EP400: variants seen among roughly 807,000 people sequenced by gnomAD.
EP400 encodes the protein E1A binding protein p400.
In EP400, 105 loss-of-function variants were observed where a neutral mutation model predicts 354.1. The observed-to-expected ratio is 0.30, with a 90% CI of 0.25 to 0.35. EP400 has a LOEUF of 0.35. EP400 is among the 10% of genes least tolerant of loss of function. EP400 has a pLI of 1.00. For missense variants in EP400, 3,280 were observed against 4,121.0 expected (o/e 0.80, Z 5.59); for synonymous variants, 1,646 against 1,716.9 (o/e 0.96, Z 1.02).
In EP400 at chr12:132,053,555, G is replaced by T; in HGVS notation, c.7686G>T (p.Lys2562Asn). 6.4e-7 allele frequency: 1 copy of T among 1,562,080 alleles called. No homozygotes were observed. ...TQPQPVQAPA[K>N]AQPAITTGGS... ...CACAGCCTGTGCAGGCCCCAGCGAA[G>T]GCGCAGCCCGCAATCACGACGGGGG... Residue 2562 changes from lysine (K) to asparagine (N), a missense_variant, in exon 43 of 53, where the codon AAG (lysine) becomes AAT (asparagine). Lys to Asn is a moderately conservative substitution (Grantham distance 94, BLOSUM62 0). Transcript: ENST00000389561.
At position 132,062,174 on chromosome 12, in the gene EP400, C is replaced by T; in HGVS notation, c.7949C>T (p.Ser2650Phe). 1 of 1,614,004 alleles carries T rather than the reference C, an allele frequency of 6.2e-7. No individual in the cohort carries two copies. The change falls in exon 46 of 53, where the codon TCC becomes TTC. Residue 2650 changes from serine to phenylalanine, a missense_variant. Around this residue, in one of 20 missense-constraint regions of EP400, gnomAD observed 255 missense variants for 295.9 expected, o/e 0.86. Coordinates refer to ENST00000389561, the MANE Select transcript of EP400 (RefSeq NM_015409.5). ...HTQPPPRAVGSPATATPDLVS... is the reference protein window; with the variant it reads ...HTQPPPRAVGFPATATPDLVS... Reference sequence around the variant, plus strand: ...CAGCCCCCGCCACGGGCAGTCGGCTCCCCAGCCACGGCGACCCCTGACCTG... The same window carrying T: ...CAGCCCCCGCCACGGGCAGTCGGCTTCCCAGCCACGGCGACCCCTGACCTG...
chr12:132,040,020 A>G (rs1894844161), intron 32 of EP400, among the ~76,000 whole-genome samples: 2 of 152,250 alleles, frequency 1.3e-5, no homozygotes, highest in Admixed American at 1.3e-4. Flanking sequence ...AACCTGGGTG[A>G]CAGAGTGACA....
intron 15 of EP400, among the ~76,000 whole-genome samples, chr12:132,010,196 C>T (rs1593344184): frequency 6.6e-6 from 1 of 151,524 alleles, no homozygotes; most frequent in African/African-American, 2.4e-5. Context: ...AAGTGATTCT[C>T]CTTCCTCAGC....
At chr12:132,058,299 T>G (rs1392542846) in intron 45 of EP400, among the ~76,000 whole-genome samples, 1 of 151,968 alleles carries the variant, frequency 6.6e-6, no homozygotes, top group Non-Finnish European at 1.5e-5. Context: ...GCTTGGCACT[T>G]TGTAATATTG....
intron 1 of EP400, among the ~76,000 whole-genome samples, chr12:131,956,976 A>G (rs1171015000): frequency 1.3e-5 from 2 of 150,228 alleles, no homozygotes; most frequent in African/African-American, 4.9e-5. Flanking sequence ...GGTTCAAGCA[A>G]TTCTCCTGCC....
intron 51 of EP400, among the ~76,000 whole-genome samples, chr12:132,073,459 C>CTTTTTTTTTTTTTTTTT (rs58724167): frequency 0.016 from 1,909 of 117,174 alleles, 99 homozygotes; most frequent in Non-Finnish European, 0.021. Context: ...GTCCCTTTTC[C>CTTTTTTTTTTTTTTTTT]TTTTTTTTTT....
chr12:132,059,524 T>C (rs1895618466), intron 45 of EP400, among the ~76,000 whole-genome samples: 1 of 152,236 alleles, frequency 6.6e-6, no homozygotes, highest in Non-Finnish European at 1.5e-5. Context: ...GCAGATTCTC[T>C]CTGGAGGATT....
rs754646599 is a variant in EP400 at position 132,006,145 on chromosome 12, G to T, written c.2969G>T (p.Arg990Leu). 6.2e-6 allele frequency: 10 copies of T among 1,614,022 alleles called. No individual in the cohort carries two copies. Among genetic ancestry groups the T allele is most frequent in the Non-Finnish European group, 8.5e-6 (10 of 1,180,024 alleles). ...GACTGTCCAGGCGACAGGGAGAGTC[G>T]CAAGGACTTGGTTCTCATCGACTCG... Reference protein sequence around the residue: ...ADDCPGDRESRKDLVLIDSLF... With the variant: ...ADDCPGDRESLKDLVLIDSLF... Residue 990 changes from arginine to leucine, a missense_variant, in exon 14 of 53, where the codon CGC becomes CTC. Physicochemically the swap from Arg to Leu is moderately radical, Grantham distance 102. This residue lies in a region of EP400 where 800 missense variants were observed against 840.0 expected (regional missense o/e 0.95). Coordinates refer to ENST00000389561, the MANE Select transcript of EP400 (RefSeq NM_015409.5).
chr12:132,021,432 C>T, intron 23 of EP400, 111 bp downstream of exon 23: 2 of 1,381,474 alleles, frequency 1.4e-6, no homozygotes, highest in Non-Finnish European at 1.9e-6. Flanking sequence ...TGTCTTTCCC[C>T]AGCCCCATGC....
chr12:131,967,201 T>C (rs1473758153), intron 2 of EP400, among the ~76,000 whole-genome samples: 2 of 150,868 alleles, frequency 1.3e-5, no homozygotes, highest in Non-Finnish European at 3.0e-5. Flanking sequence ...GCCAACGTAG[T>C]GAAACCCCGT....
intron 45 of EP400, among the ~76,000 whole-genome samples, chr12:132,057,114 T>C (rs548076092): frequency 1.0e-3 from 157 of 152,320 alleles, no homozygotes; most frequent in African/African-American, 3.6e-3. Context: ...CAGTTTCTTA[T>C]AAAACCAAGC....
chr12:132,060,558 C>T (rs984307627), intron 45 of EP400, among the ~76,000 whole-genome samples: 4 of 152,148 alleles, frequency 2.6e-5, no homozygotes, highest in African/African-American at 9.7e-5. Flanking sequence ...CAGCGGGGGT[C>T]GTTGTCGTGC....
intron 15 of EP400, among the ~76,000 whole-genome samples, chr12:132,008,467 T>C (rs777853941): frequency 2.2e-4 from 33 of 152,252 alleles, no homozygotes; most frequent in Non-Finnish European, 3.4e-4. Flanking sequence ...TGCTATAGCA[T>C]ACATTCATAT....
rs1015246687 is a variant in EP400 at position 132,061,994 on chromosome 12, G to A, written c.7885-116G>A. On this transcript the variant is annotated intron_variant, in intron 45 of 52. Coordinates refer to ENST00000389561, the MANE Select transcript of EP400 (RefSeq NM_015409.5). ...TTTTCAAAAGACTGAACTCTAGCGT[G>A]TGTTTCACTTGTTTCGCCTCTGAAG... 14 of 803,184 alleles carry A rather than the reference G, an allele frequency of 1.7e-5. No homozygotes were observed. The Admixed American group carries it at 2.9e-4, about 17-fold the overall frequency. 49.8% of individuals were successfully genotyped at this position (803,184 alleles called of 1,614,324 possible). A position where few individuals can be genotyped will look rare whatever the true frequency, so the allele number is the denominator to read the frequency against.
chr12:131,998,581 C>G (rs1000781302), intron 12 of EP400, among the ~76,000 whole-genome samples: 25 of 150,980 alleles, frequency 1.7e-4, no homozygotes, highest in Non-Finnish European at 3.4e-4. Flanking sequence ...TGTGTCAGTA[C>G]AGTTGATTTT....
Position 132,077,791 on chromosome 12 carries a change from T to C in EP400, c.*118T>C, listed in dbSNP as rs1000460632. On this transcript the variant is annotated 3_prime_UTR_variant, in exon 53 of 53. Transcript: ENST00000389561. ...AGATTCAGCACTGGGAAAGATATAA[T>C]TGAAACAAAATAGTGTAATCATTTT... 5.6e-6 allele frequency: 7 copies of C among 1,248,180 alleles called. No homozygotes were observed. The African/African-American group carries it at 6.1e-5, about 11-fold the overall frequency. 77.3% of individuals were successfully genotyped at this position (1,248,180 alleles called of 1,614,324 possible). A position where few individuals can be genotyped will look rare whatever the true frequency, so the allele number is the denominator to read the frequency against.
intron 1 of EP400, among the ~76,000 whole-genome samples, chr12:131,950,684 C>T (rs1269573195): frequency 6.6e-6 from 1 of 152,212 alleles, no homozygotes; most frequent in Non-Finnish European, 1.5e-5. Context: ...TCGTCACACA[C>T]CTGCGGCCCA....
Position 132,062,558 on chromosome 12 carries a change from C to T in EP400, c.8191C>T (p.Gln2731Ter), listed in dbSNP as rs2136606861. The stretch of plus-strand genomic sequence containing the variant: ...GCAGCAGCAGCAACAACAGCAGCAG[C>T]AGCAGCAGCAGCAGCAGCAGCAGCA... ...QQQQQQQQQQ[Q>*]QQQQQQQQQQ... The change falls in exon 47 of 53, where the codon CAG (glutamine) becomes TAG (stop). Residue 2731 changes from glutamine to a stop codon, truncating the protein, a stop_gained. Coordinates refer to ENST00000389561, the MANE Select transcript of EP400 (RefSeq NM_015409.5). LOFTEE classifies it high-confidence loss of function. 6.3e-7 allele frequency: 1 copy of T among 1,599,722 alleles called. No homozygotes were observed. Among genetic ancestry groups the T allele is most frequent in the East Asian group, 2.3e-5 (1 of 44,438 alleles).
At position 132,027,705 on chromosome 12, in the gene EP400, T is replaced by A. The variant is rs1307070567; in HGVS notation, c.5109+174T>A. 6.6e-6 allele frequency among the ~76,000 whole-genome samples: 1 copy of A among 152,286 alleles called. No individual in the cohort carries two copies. The highest frequency in any genetic ancestry group is 1.5e-5 in the Non-Finnish European group (1 of 68,048). Reference sequence around the variant, plus strand: ...AAATAAATGAAACTGGACTTACGACTGCCACAATCTTTTTTTGTATTTTTT... The same window carrying A: ...AAATAAATGAAACTGGACTTACGACAGCCACAATCTTTTTTTGTATTTTTT... On this transcript the variant is annotated intron_variant, in intron 26 of 52. Transcript: ENST00000389561. The surrounding 1 kb of genome is among the most constrained non-coding windows in gnomAD (Gnocchi z 4.9).
Sources: gnomAD v4.1 joint callset for allele counts (sites outside exome capture counted in the v4.1 genomes callset) on GRCh38, gnomAD v4.1.1 for gene constraint, gnomAD v4.1.1 regional missense constraint, Gnocchi (gnomAD v3.1) non-coding constraint, MANE v1.5 for transcripts, NCBI Gene and HGNC (gene_info 2026-07-23, HGNC 2026-07-21) for gene names.